Variants in ZFAND2A observed in about 807,000 individuals in gnomAD.
ZFAND2A encodes AN1-type zinc finger protein 2A.
ZFAND2A carries 20 observed loss-of-function variants against 11.6 expected under a neutral mutation model. The observed-to-expected ratio is 1.72, with a 90% CI of 1.21 to 2.50. The LOEUF (loss-of-function observed/expected upper bound fraction) is 2.50. ZFAND2A is among the 30% of genes most tolerant of loss of function. The probability of loss-of-function intolerance (pLI) is 0.00; values close to 1 mark genes in which losing one functional copy is unlikely to be tolerated. For synonymous variants in ZFAND2A, 93 were observed against 60.6 expected (o/e 1.54, Z -2.48); for missense variants, 234 against 182.9 (o/e 1.28, Z -1.61).
At chr7:1,155,348 T>C in intron 4 of ZFAND2A, 105 bp downstream of exon 4, 1 of 1,496,776 alleles carries the variant, frequency 6.7e-7, no homozygotes, top group Non-Finnish European at 9.0e-7. Flanking sequence ...TCTTTTCTAC[T>C]TTGTACATAA....
At chr7:1,150,086 T>A (rs1263190676), downstream of ZFAND2A, among the ~76,000 whole-genome samples, 1 of 151,610 alleles carries the variant, frequency 6.6e-6, no homozygotes, top group Non-Finnish European at 1.5e-5. Flanking sequence ...CTCCTCCAAA[T>A]ACCACAATGT....
chr7:1,151,360 G>A (rs190965168), downstream of ZFAND2A, among the ~76,000 whole-genome samples: 2 of 150,272 alleles, frequency 1.3e-5, no homozygotes, highest in Non-Finnish European at 2.9e-5. Context: ...CCCTCGGCCA[G>A]GCAGGTGGAT....
intron 4 of ZFAND2A, among the ~76,000 whole-genome samples, chr7:1,154,721 A>G (rs1793481361): frequency 6.6e-6 from 1 of 152,198 alleles, no homozygotes; most frequent in South Asian, 2.1e-4. Flanking sequence ...GTTTATGGTA[A>G]TATAACTGTA....
chr7:1,155,640 A>T, intron 3 of ZFAND2A, 56 bp from the exon 4 acceptor site: 1 of 1,592,580 alleles, frequency 6.3e-7, no homozygotes. Context: ...AAACTCACAG[A>T]AGTTTTAAAC....
rs61718257 is a variant in ZFAND2A at position 1,159,855 on chromosome 7, GACTTTCAGCAGCCGC to G, written c.-46+94_-46+108del. On this transcript the variant is annotated intron_variant, in intron 1 of 4. Coordinates refer to ENST00000316495, the MANE Select transcript of ZFAND2A (RefSeq NM_182491.4). ...CAGCCTGACCTCCAGCAAGCAGCCG[GACTTTCAGCAGCCGC>G]ACTCCTAGCAGACAGGCCGAACCCC... 2.1e-3 allele frequency: 119 copies of G among 55,972 alleles called. 26 individuals carry two copies. The highest frequency in any genetic ancestry group is 7.4e-3 in the African/African-American group (90 of 12,182). The allele number at this position is 55,972 out of a possible 1,614,324, so 3.5% of individuals were successfully genotyped here. A position where few individuals can be genotyped will look rare whatever the true frequency, so the allele number is the denominator to read the frequency against.
chr7:1,157,782 C>G, intron 2 of ZFAND2A, 32 bp from the exon 3 acceptor site: 1 of 1,474,964 alleles, frequency 6.8e-7, no homozygotes. Context: ...AGTGTTTTAA[C>G]GACTGGAACA....
rs370480157 is a variant in ZFAND2A, at chr7:1,155,469, C to G, written c.266G>C (p.Gly89Ala). The change falls in exon 4 of 5, where the codon GGG becomes GCG. Residue 89 changes from glycine to alanine, a missense_variant. Gly to Ala is a moderately conservative substitution (Grantham distance 60). Coordinates refer to ENST00000316495, the MANE Select transcript of ZFAND2A (RefSeq NM_182491.4). ...TGTCCTTACCTTCTCTTTCTTCTTC[C>G]CAGGGTGAGAGTCACAGTCTCTGTC... ...HIDRDCDSHP[G>A]KKKEKIFTYR... 1.4e-4 allele frequency: 223 copies of G among 1,613,570 alleles called. No individual in the cohort carries two copies. Among genetic ancestry groups the G allele is most frequent in the Non-Finnish European group, 1.8e-4 (213 of 1,179,796 alleles).
At chr7:1,155,123 AAAACAAACAAAC>A (rs373785657) in intron 4 of ZFAND2A, among the ~76,000 whole-genome samples, 6 of 152,230 alleles carry the variant, frequency 3.9e-5, no homozygotes, top group African/African-American at 1.2e-4. Flanking sequence ...AGACTGTCTC[AAAACAAACAAAC>A]AAACAAACAA....
At chr7:1,149,853 G>GTTTT (rs11349429), downstream of ZFAND2A, among the ~76,000 whole-genome samples, 3 of 139,864 alleles carry the variant, frequency 2.1e-5, no homozygotes, top group Non-Finnish European at 1.5e-5. Flanking sequence ...TTGTTCTTAA[G>GTTTT]TTTTTTTTTT....
chr7:1,157,665 T>C lies in ZFAND2A; in HGVS notation c.141A>G (p.Ala47=). The C allele has an allele frequency of 1.9e-6, 3 of 1,578,802 alleles. No individual in the cohort carries two copies. The highest frequency in any genetic ancestry group is 2.6e-6 in the Non-Finnish European group (3 of 1,167,870). ...ACAAAGGATCAATTACCTTCTGGAA[T>C]GCAAACGGACACTTATGTGCAGCGT... ...FPYAAHKCPF[A]FQKDVHVPVC... Residue 47 remains alanine (A), a synonymous_variant, in exon 3 of 5, where the codon GCA becomes GCG. Transcript: ENST00000316495.
downstream of ZFAND2A, among the ~76,000 whole-genome samples, chr7:1,150,629 C>T (rs571016668): frequency 6.6e-6 from 1 of 152,326 alleles, no homozygotes; most frequent in African/African-American, 2.4e-5. Context: ...AAGGACTGTG[C>T]ACCTCACTAC....
At position 1,159,378 on chromosome 7, in the gene ZFAND2A, G is replaced by A. The variant is rs1275295045; in HGVS notation, c.-46+586C>T. 4.6e-5 allele frequency among the ~76,000 whole-genome samples: 7 copies of A among 152,172 alleles called. No individual in the cohort carries two copies. In the East Asian group the frequency reaches 1.4e-3, roughly 29 times the overall value. ...ACACACATCTACGTGGCTGTCACTC[G>A]GCTGGCGGGTTAACGACCCCGTGCG... On this transcript the variant is annotated intron_variant, in intron 1 of 4. Transcript: ENST00000316495.
chr7:1,159,530 A>G (rs4311582), intron 1 of ZFAND2A, among the ~76,000 whole-genome samples: 38,200 of 83,024 alleles, frequency 0.46, 8,757 homozygotes, highest in Non-Finnish European at 0.51. Flanking sequence ...CGGACCCCCA[A>G]CAGCCAGACC....
chr7:1,158,330 C>T, intron 1 of ZFAND2A, 73 bp from the exon 2 acceptor site: 1 of 932,632 alleles, frequency 1.1e-6, no homozygotes, highest in Non-Finnish European at 1.7e-6. Flanking sequence ...AATGTAATTA[C>T]AGCTAATGAA....
intron 3 of ZFAND2A, among the ~76,000 whole-genome samples, chr7:1,156,101 A>C (rs975242021): frequency 6.6e-6 from 1 of 151,900 alleles, no homozygotes; most frequent in African/African-American, 2.4e-5. Context: ...GAGGGCTCCA[A>C]AGGGGTGGAC....
In ZFAND2A at chr7:1,158,275, T is replaced by C. The variant is rs534067023; in HGVS notation, c.-45-18A>G. ...AGTGTCACCTACAAGAGAATCAGAA[T>C]AGTTAGGAGGAAAGCTGGACTGCCC... On this transcript the variant is annotated intron_variant, in intron 1 of 4. Coordinates refer to ENST00000316495, the MANE Select transcript of ZFAND2A (RefSeq NM_182491.4). 6.7e-6 allele frequency: 10 copies of C among 1,501,104 alleles called. No homozygotes were observed. The Admixed American group carries it at 1.2e-4, about 18-fold the overall frequency. 93.0% of individuals were successfully genotyped at this position (1,501,104 alleles called of 1,614,324 possible). A position where few individuals can be genotyped will look rare whatever the true frequency, so the allele number is the denominator to read the frequency against.
chr7:1,158,980 C>A (rs902406269), intron 1 of ZFAND2A, among the ~76,000 whole-genome samples: 1 of 152,286 alleles, frequency 6.6e-6, no homozygotes, highest in African/African-American at 2.4e-5. Flanking sequence ...GCTCTCTCCC[C>A]ACTCCTGGAG....
intron 3 of ZFAND2A, 42 bp downstream of exon 3, chr7:1,157,613 CA>C (rs761452259): frequency 2.2e-4 from 339 of 1,549,208 alleles, no homozygotes; most frequent in Non-Finnish European, 2.7e-4. Context: ...AGTGCAGCTT[CA>C]GACGGTGAAG....
At chr7:1,155,657 T>C (rs1793509253) in intron 3 of ZFAND2A, 73 bp from the exon 4 acceptor site, 1 of 1,562,118 alleles carries the variant, frequency 6.4e-7, no homozygotes, top group Admixed American at 1.8e-5. Context: ...AAACGAGTAC[T>C]CCTGTGCGGC....
Sources: allele counts gnomAD v4.1 joint callset (sites outside exome capture counted in the v4.1 genomes callset), GRCh38; gene constraint gnomAD v4.1.1; transcripts MANE v1.5; gene names NCBI Gene and HGNC (gene_info 2026-07-23, HGNC 2026-07-21).